PRKCA: variants seen among roughly 807,000 people sequenced by gnomAD.
PRKCA encodes protein kinase C alpha type.
PRKCA carries 27 observed loss-of-function variants against 87.0 expected under a neutral mutation model. That is an observed-to-expected ratio of 0.31 (90% CI 0.23 to 0.43). The LOEUF is 0.43. Ranked by LOEUF, PRKCA falls within the 20% of genes least tolerant of loss-of-function variation. The probability of loss-of-function intolerance (pLI) is 1.00; values close to 1 mark genes in which losing one functional copy is unlikely to be tolerated. For missense variants in PRKCA, 518 were observed against 852.3 expected (o/e 0.61, Z 4.88); for synonymous variants, 329 against 311.1 (o/e 1.06, Z -0.61).
At chr17:66,461,628 G>T (rs1380278163) in intron 2 of PRKCA, among the ~76,000 whole-genome samples, 1 of 152,162 alleles carries the variant, frequency 6.6e-6, no homozygotes, top group Non-Finnish European at 1.5e-5. Context: ...GCACTAAGTG[G>T]TAAAAATGAT....
intron 2 of PRKCA, among the ~76,000 whole-genome samples, chr17:66,466,718 A>G (rs1209364950): frequency 2.6e-5 from 4 of 152,154 alleles, no homozygotes; most frequent in Non-Finnish European, 4.4e-5. Context: ...TTGAAACTTC[A>G]GCTTTTAATA....
At position 66,809,339 on chromosome 17, in the gene PRKCA, C is replaced by A. The variant is rs1184034178; in HGVS notation, c.*5302C>A. 1.3e-5 allele frequency: 2 copies of A among 152,598 alleles called. No individual in the cohort carries two copies. The highest frequency in any genetic ancestry group is 2.9e-5 in the Non-Finnish European group (2 of 68,032). 9.5% of individuals were successfully genotyped at this position (152,598 alleles called of 1,614,324 possible). A position where few individuals can be genotyped will look rare whatever the true frequency, so the allele number is the denominator to read the frequency against. ...ACAGTTAATAACCGTGGAGGTCACA[C>A]TCAGCCATCCAACAGCCTTACAGTG... On this transcript the variant is annotated 3_prime_UTR_variant, in exon 17 of 17. Transcript: ENST00000413366.
chr17:66,566,748 C>T (rs1968915973), intron 3 of PRKCA, among the ~76,000 whole-genome samples: 1 of 152,166 alleles, frequency 6.6e-6, no homozygotes, highest in African/African-American at 2.4e-5. Context: ...CTTCATTCTA[C>T]ACCTTTTTGA....
chr17:66,759,261 C>G (rs1015252283), intron 13 of PRKCA, among the ~76,000 whole-genome samples: 3 of 151,392 alleles, frequency 2.0e-5, no homozygotes, highest in Admixed American at 2.0e-4. Context: ...GAGGCTGAGG[C>G]AGGAGAATGG....
chr17:66,590,662 C>A (rs889845483), intron 3 of PRKCA, among the ~76,000 whole-genome samples: 1 of 152,052 alleles, frequency 6.6e-6, no homozygotes. Flanking sequence ...CCAGACTGGC[C>A]AATGTGGTGA....
At chr17:66,675,985 C>G (rs1442736400) in intron 5 of PRKCA, among the ~76,000 whole-genome samples, 1 of 152,174 alleles carries the variant, frequency 6.6e-6, no homozygotes, top group African/African-American at 2.4e-5. Context: ...TTGACCGCCC[C>G]CGGAACATCA....
At chr17:66,312,629 G>A (rs12937322) in intron 2 of PRKCA, among the ~76,000 whole-genome samples, 53,045 of 152,144 alleles carry the variant, frequency 0.35, 9,696 homozygotes, top group Middle Eastern at 0.54. Context: ...CCTCAACCCC[G>A]TTTGCCCAGA....
intron 3 of PRKCA, among the ~76,000 whole-genome samples, chr17:66,583,180 T>C (rs926638995): frequency 2.6e-5 from 4 of 152,228 alleles, no homozygotes; most frequent in Non-Finnish European, 5.9e-5. Flanking sequence ...TGATGCTTGC[T>C]AGAGATAGTT....
chr17:66,653,109 C>T (rs1334809869), intron 5 of PRKCA, among the ~76,000 whole-genome samples: 4 of 152,236 alleles, frequency 2.6e-5, no homozygotes, highest in Admixed American at 2.6e-4. Flanking sequence ...CACAGCCGGC[C>T]AGACTGCCAC....
chr17:66,699,475 C>G, intron 8 of PRKCA, among the ~76,000 whole-genome samples: 1 of 152,132 alleles, frequency 6.6e-6, no homozygotes, highest in Non-Finnish European at 1.5e-5. Flanking sequence ...AAGACTGAAT[C>G]ATAAAGAAAT....
intron 2 of PRKCA, among the ~76,000 whole-genome samples, chr17:66,461,560 T>A (rs1914855694): frequency 6.6e-6 from 1 of 152,218 alleles, no homozygotes; most frequent in South Asian, 2.1e-4. Context: ...TATCTCCTAA[T>A]TCTGTGCTTA....
intron 1 of PRKCA, among the ~76,000 whole-genome samples, chr17:66,303,312 G>A (rs1338421483): frequency 1.3e-5 from 2 of 152,124 alleles, no homozygotes; most frequent in Non-Finnish European, 2.9e-5. Flanking sequence ...ACCTCCCCGG[G>A]CGCGCCCACC....
At chr17:66,304,706 A>T (rs978068368) in intron 1 of PRKCA, among the ~76,000 whole-genome samples, 3 of 152,190 alleles carry the variant, frequency 2.0e-5, no homozygotes, top group African/African-American at 7.2e-5. Context: ...CTTTTTAGAC[A>T]TCTGCTCCCA....
chr17:66,483,672 A>G (rs942051128), intron 2 of PRKCA, among the ~76,000 whole-genome samples: 1 of 151,986 alleles, frequency 6.6e-6, no homozygotes, highest in South Asian at 2.1e-4. Flanking sequence ...TGTGTTATCC[A>G]GGATGTTCTC....
At chr17:66,735,811 A>G (rs1974008835) in intron 10 of PRKCA, 149 bp downstream of exon 10, 1 of 808,902 alleles carries the variant, frequency 1.2e-6, no homozygotes, top group African/African-American at 1.8e-5. Context: ...ACCACCTCCC[A>G]CCTCTCTCAC....
chr17:66,707,275 TACTC>T (rs1195722148), intron 8 of PRKCA, among the ~76,000 whole-genome samples: 2 of 152,228 alleles, frequency 1.3e-5, no homozygotes, highest in African/African-American at 4.8e-5. Context: ...GTCTAAAGAC[TACTC>T]ACTTGCCAGA....
At chr17:66,421,232 A>G (rs892716893) in intron 2 of PRKCA, among the ~76,000 whole-genome samples, 1 of 152,168 alleles carries the variant, frequency 6.6e-6, no homozygotes, top group African/African-American at 2.4e-5. Flanking sequence ...TTGGTTGAGT[A>G]ATTTAGAGAG....
chr17:66,646,958 C>G (rs1207250772), intron 5 of PRKCA, among the ~76,000 whole-genome samples: 1 of 152,112 alleles, frequency 6.6e-6, no homozygotes, highest in Admixed American at 6.5e-5. Flanking sequence ...TTCTCAAGAC[C>G]ATCCCTATTG....
At chr17:66,546,425 G>C (rs1392309686) in intron 3 of PRKCA, among the ~76,000 whole-genome samples, 2 of 152,180 alleles carry the variant, frequency 1.3e-5, no homozygotes, top group Non-Finnish European at 2.9e-5. Flanking sequence ...CACAATTAAG[G>C]CCTTGGCAGG....
Sources: allele counts gnomAD v4.1 joint callset (sites outside exome capture counted in the v4.1 genomes callset), GRCh38; gene constraint gnomAD v4.1.1; transcripts MANE v1.5; gene names NCBI Gene and HGNC (gene_info 2026-07-23, HGNC 2026-07-21).